Variants in DHRS1 observed in about 807,000 individuals in gnomAD.
DHRS1 encodes the protein dehydrogenase/reductase 1.
Under a neutral mutation model 35.2 loss-of-function variants are expected in DHRS1, and 34 were observed. That is an observed-to-expected ratio of 0.97 (90% confidence interval 0.74 to 1.29). DHRS1 has a LOEUF of 1.29. Ranked by LOEUF, DHRS1 falls within the 50% of genes most tolerant of loss-of-function variation. The probability of loss-of-function intolerance (pLI) is 0.00; values close to 1 mark genes in which losing one functional copy is unlikely to be tolerated. For synonymous variants in DHRS1, 133 were observed against 160.0 expected (o/e 0.83, Z 1.27); for missense variants, 354 against 403.6 (o/e 0.88, Z 1.05).
intron 1 of DHRS1, 71 bp from the exon 2 acceptor site, chr14:24,299,201 AG>A: frequency 7.1e-7 from 1 of 1,417,298 alleles, no homozygotes; most frequent in Non-Finnish European, 9.5e-7. Flanking sequence ...GTTGGGGGGT[AG>A]GGGAGAACCT....
Position 24,299,109 on chromosome 14 carries a change from C to G in DHRS1, c.-3G>C. 1 of 1,611,148 alleles carries G rather than the reference C, an allele frequency of 6.2e-7. No individual in the cohort carries two copies. Among genetic ancestry groups the G allele is most frequent in the Non-Finnish European group, 8.5e-7 (1 of 1,177,738 alleles). ...TGGCCATTCATGGGAGCTGCCATGA[C>G]TCACAGGCAAAGGAGGCAGGTCTGT... On this transcript the variant is annotated 5_prime_UTR_variant, in exon 2 of 9. Coordinates refer to ENST00000288111, the MANE Select transcript of DHRS1 (RefSeq NM_001136050.3).
intron 4 of DHRS1, among the ~76,000 whole-genome samples, chr14:24,294,905 G>A (rs1283769846): frequency 2.0e-5 from 3 of 152,188 alleles, no homozygotes; most frequent in Admixed American, 6.5e-5. Context: ...TGCCTGGTGT[G>A]GTAGAGGACA....
At position 24,295,336 on chromosome 14, in the gene DHRS1, A is replaced by G. The variant is rs73589690; in HGVS notation, c.374+1173T>C. 3.2e-3 allele frequency among the ~76,000 whole-genome samples: 482 copies of G among 152,368 alleles called. 3 individuals carry two copies. The highest frequency in any genetic ancestry group is 0.011 in the African/African-American group (466 of 41,584). ...CATATTTAAAAAAAGTAACACACAC[A>G]TAACTTGGTAACCAGAATAAATTTC... is the stretch of plus-strand genomic sequence containing the variant. On this transcript the variant is annotated intron_variant, in intron 4 of 8. Coordinates refer to ENST00000288111, the MANE Select transcript of DHRS1 (RefSeq NM_001136050.3).
intron 4 of DHRS1, chr14:24,293,262 T>C (rs1594604950): frequency 6.5e-6 from 1 of 154,278 alleles, no homozygotes; most frequent in East Asian, 1.9e-4. Flanking sequence ...TAAAGCTCAA[T>C]GAGAAGAATA....
At position 24,299,764 on chromosome 14, in the gene DHRS1, T is replaced by G; in HGVS notation, c.-208A>C. The stretch of plus-strand genomic sequence containing the variant: ...CCAGGCCAAAGTTAGAACCTGCGGA[T>G]GGGGGCGGAGCGATCTGGGTGACAC... On this transcript the variant is annotated 5_prime_UTR_variant, in exon 1 of 9. Coordinates refer to ENST00000288111, the MANE Select transcript of DHRS1 (RefSeq NM_001136050.3). 3 of 630,340 alleles carry G rather than the reference T, an allele frequency of 4.8e-6. No individual in the cohort carries two copies. Among genetic ancestry groups the G allele is most frequent in the Admixed American group, 3.3e-5 (1 of 30,246 alleles). 39.0% of individuals were successfully genotyped at this position (630,340 alleles called of 1,614,324 possible).
At position 24,296,813 on chromosome 14, in the gene DHRS1, G is replaced by T. The variant is rs1293352448; in HGVS notation, c.219C>A (p.Ser73Arg). The T allele has an allele frequency of 6.2e-7, 1 of 1,614,208 alleles. No homozygotes were observed. Among genetic ancestry groups the T allele is most frequent in the South Asian group, 1.1e-5 (1 of 91,088 alleles). ...GTTCCCGATCCACTTGCTCAAACAG[G>T]CTTCGCACTTCACTCTCCTGGCTTG... ...CDSSQESEVRSLFEQVDREQQ... is the reference protein window; with the variant it reads ...CDSSQESEVRRLFEQVDREQQ... The change falls in exon 3 of 9, where the codon AGC (serine) becomes AGA (arginine). Residue 73 changes from serine (S) to arginine (R), a missense_variant. By Grantham distance (110) the Ser-to-Arg change is moderately radical (BLOSUM62 -1). Coordinates refer to ENST00000288111, the MANE Select transcript of DHRS1 (RefSeq NM_001136050.3).
In DHRS1 at chr14:24,291,133, C is replaced by T; in HGVS notation, c.805+6G>A. Reference sequence around the variant, plus strand: ...TCAAGGCTGACTGCTGTGCCAGGGTCCTCACCGTCCACATCCCGAAGGCCA... The same window carrying T: ...TCAAGGCTGACTGCTGTGCCAGGGTTCTCACCGTCCACATCCCGAAGGCCA... On this transcript the variant is annotated splice_donor_region_variant and intron_variant, in intron 8 of 8. Transcript: ENST00000288111. 1.2e-6 allele frequency: 2 copies of T among 1,614,088 alleles called. No individual in the cohort carries two copies. Among genetic ancestry groups the T allele is most frequent in the Non-Finnish European group, 1.7e-6 (2 of 1,180,020 alleles).
chr14:24,297,041 T>C (rs2041261922), intron 2 of DHRS1, among the ~76,000 whole-genome samples, 160 bp from the exon 3 acceptor site: 1 of 152,116 alleles, frequency 6.6e-6, no homozygotes, highest in Non-Finnish European at 1.5e-5. Context: ...CTGGTGTCTG[T>C]TTGAGTAGTT....
intron 1 of DHRS1, 66 bp from the exon 2 acceptor site, chr14:24,299,196 GGGGTA>G: frequency 6.9e-7 from 1 of 1,445,300 alleles, no homozygotes; most frequent in African/African-American, 1.4e-5. Flanking sequence ...GCGAGGTTGG[GGGGTA>G]GGGGAGAACC....
chr14:24,290,885 T>A lies in DHRS1; in HGVS notation c.916A>T (p.Ile306Phe). Reference protein sequence around the residue: ...PSFLRVPKWIIALYTSKF With the variant: ...PSFLRVPKWIFALYTSKF ...TAGAACTTGCTAGTGTAGAGGGCAA[T>A]AATCCACTTGGGCACACGGAGGAAG... Residue 306 changes from isoleucine (I) to phenylalanine (F), a missense_variant, in exon 9 of 9, where the codon ATT (isoleucine) becomes TTT (phenylalanine). Coordinates refer to ENST00000288111, the MANE Select transcript of DHRS1 (RefSeq NM_001136050.3). 1 of 1,613,612 alleles carries A rather than the reference T, an allele frequency of 6.2e-7. No homozygotes were observed. The highest frequency in any genetic ancestry group is 8.5e-7 in the Non-Finnish European group (1 of 1,179,924).
chr14:24,299,371 T>A, intron 1 of DHRS1: 1 of 385,086 alleles, frequency 2.6e-6, no homozygotes, highest in South Asian at 4.9e-5. Flanking sequence ...GGTGGACAAC[T>A]ACTACAACCC....
rs1458794329 is a variant in DHRS1, at chr14:24,299,199, G to T, written c.-24-69C>A. On this transcript the variant is annotated intron_variant, in intron 1 of 8. Coordinates refer to ENST00000288111, the MANE Select transcript of DHRS1 (RefSeq NM_001136050.3). ...GTGTGTGTTGGGGCGAGGTTGGGGGGTAGGGGAGAACCTCACTAGGGCTAA... is the reference window on the plus strand; with the variant it reads ...GTGTGTGTTGGGGCGAGGTTGGGGGTTAGGGGAGAACCTCACTAGGGCTAA... 3.5e-6 allele frequency: 5 copies of T among 1,426,980 alleles called. No homozygotes were observed. In the African/African-American group the frequency reaches 4.3e-5, roughly 12 times the overall value. The allele number at this position is 1,426,980 out of a possible 1,614,324, so 88.4% of individuals were successfully genotyped here.
At chr14:24,296,406 G>T in intron 4 of DHRS1, 103 bp downstream of exon 4, 1 of 1,113,552 alleles carries the variant, frequency 9.0e-7, no homozygotes, top group Non-Finnish European at 1.4e-6. Flanking sequence ...AGAAAGAGAT[G>T]GGGGAGGCCG....
chr14:24,290,734 G>T lies in DHRS1; in HGVS notation c.*125C>A. The T allele has an allele frequency of 7.9e-7, 1 of 1,272,386 alleles. No homozygotes were observed. The highest frequency in any genetic ancestry group is 1.1e-6 in the Non-Finnish European group (1 of 896,728). The allele number at this position is 1,272,386 out of a possible 1,614,324, so 78.8% of individuals were successfully genotyped here. A position where few individuals can be genotyped will look rare whatever the true frequency, so the allele number is the denominator to read the frequency against. Reference sequence around the variant, plus strand: ...CCCCAGAACTCACCACGGACACACAGCAGAGGGCTTCTCTTCATATCAAGG... The same window carrying T: ...CCCCAGAACTCACCACGGACACACATCAGAGGGCTTCTCTTCATATCAAGG... On this transcript the variant is annotated 3_prime_UTR_variant, in exon 9 of 9. Coordinates refer to ENST00000288111, the MANE Select transcript of DHRS1 (RefSeq NM_001136050.3).
Position 24,291,151 on chromosome 14 carries a change from G to A in DHRS1, c.793C>T (p.Arg265Trp), listed in dbSNP as rs752733121. 46 of 1,613,992 alleles carry A rather than the reference G, an allele frequency of 2.9e-5. No individual in the cohort carries two copies. The highest frequency in any genetic ancestry group is 3.5e-5 in the Non-Finnish European group (41 of 1,180,028). Residue 265 changes from arginine (R) to tryptophan (W), a missense_variant, in exon 8 of 9, where the codon CGG becomes TGG. By Grantham distance (101) the Arg-to-Trp change is moderately radical. Transcript: ENST00000288111. ...SCDLARRYGL[R>W]DVDGRPVQDY... The stretch of plus-strand genomic sequence containing the variant: ...CCAGGGTCCTCACCGTCCACATCCC[G>A]AAGGCCATAGCGTCGAGCAAGGTCA...
intron 4 of DHRS1, among the ~76,000 whole-genome samples, chr14:24,295,543 A>T (rs541070564): frequency 6.6e-6 from 1 of 152,310 alleles, no homozygotes; most frequent in East Asian, 1.9e-4. Context: ...TGGATAATTC[A>T]TCAGGGCCCA....
chr14:24,299,366 A>C (rs2041324266), intron 1 of DHRS1: 1 of 392,972 alleles, frequency 2.5e-6, no homozygotes, highest in Non-Finnish European at 4.6e-6. Flanking sequence ...CCAGAGGTGG[A>C]CAACTACTAC....
chr14:24,292,930 G>T, intron 4 of DHRS1, 146 bp from the exon 5 acceptor site: 1 of 953,648 alleles, frequency 1.0e-6, no homozygotes, highest in Non-Finnish European at 1.5e-6. Flanking sequence ...AGGAATTAGG[G>T]GCTTGAGGCC....
chr14:24,295,559 G>A (rs1349216110), intron 4 of DHRS1, among the ~76,000 whole-genome samples: 1 of 152,204 alleles, frequency 6.6e-6, no homozygotes, highest in Non-Finnish European at 1.5e-5. Flanking sequence ...GCCCAAGGTC[G>A]AGGGTCTGGG....
Sources: gnomAD v4.1 joint callset for allele counts (sites outside exome capture counted in the v4.1 genomes callset) on GRCh38, gnomAD v4.1.1 for gene constraint, MANE v1.5 for transcripts, NCBI Gene and HGNC (gene_info 2026-07-23, HGNC 2026-07-21) for gene names.